The following PLXNA4 variants were observed in gnomAD, a reference collection of about 807,000 sequenced individuals.
PLXNA4 encodes plexin-A4.
PLXNA4 carries 44 observed loss-of-function variants against 191.8 expected under a neutral mutation model. The observed-to-expected ratio is 0.23, with a 90% CI of 0.18 to 0.29. PLXNA4 has a LOEUF of 0.29. PLXNA4 is among the 10% of genes least tolerant of loss of function. The pLI, the probability that PLXNA4 is intolerant of heterozygous loss-of-function variation, is 1.00. For synonymous variants in PLXNA4, 1,082 were observed against 1,009.5 expected (o/e 1.07, Z -1.36); for missense variants, 1,800 against 2,488.8 (o/e 0.72, Z 5.89).
Position 132,165,856 on chromosome 7 carries a change from C to T in PLXNA4, c.4287-656G>A, listed in dbSNP as rs138702907. ...GCCTCAGCTAAAGGCTCCCAGCATTCGCCGCAGCATAAAGCCATATACCCA... is the reference window on the plus strand; with the variant it reads ...GCCTCAGCTAAAGGCTCCCAGCATTTGCCGCAGCATAAAGCCATATACCCA... On this transcript the variant is annotated intron_variant, in intron 22 of 31. Coordinates refer to ENST00000321063, the MANE Select transcript of PLXNA4 (RefSeq NM_020911.2). Among the ~76,000 whole-genome samples the T allele has an allele frequency of 3.4e-3, 514 of 152,238 alleles. 1 individual carries two copies. The highest frequency in any genetic ancestry group is 5.7e-3 in the Non-Finnish European group (388 of 68,014).
chr7:132,437,319 A>G (rs1181304200), intron 3 of PLXNA4, among the ~76,000 whole-genome samples: 1 of 152,148 alleles, frequency 6.6e-6, no homozygotes, highest in Non-Finnish European at 1.5e-5. Flanking sequence ...TCGTGGTCCT[A>G]AGTGCAACCC....
intron 2 of PLXNA4, among the ~76,000 whole-genome samples, chr7:132,630,600 C>T (rs1705214995): frequency 1.3e-5 from 2 of 152,134 alleles, no homozygotes; most frequent in Admixed American, 6.5e-5. Context: ...CAAGTTCCAC[C>T]GCCCAGGTTC....
At chr7:132,577,563 C>T (rs930256112), upstream of PLXNA4, among the ~76,000 whole-genome samples, 23 of 152,140 alleles carry the variant, frequency 1.5e-4, no homozygotes, top group African/African-American at 5.1e-4. Context: ...CATGCTCCCA[C>T]CCGCCGCCGC....
intron 3 of PLXNA4, among the ~76,000 whole-genome samples, chr7:132,331,763 T>A (rs916920679): frequency 6.6e-6 from 1 of 152,118 alleles, no homozygotes; most frequent in Non-Finnish European, 1.5e-5. Context: ...CCAAGCACTA[T>A]GGTTGAAAGA....
intron 2 of PLXNA4, among the ~76,000 whole-genome samples, chr7:132,603,811 C>A (rs573096686): frequency 6.6e-6 from 1 of 152,154 alleles, no homozygotes; most frequent in African/African-American, 2.4e-5. Context: ...ATTTTAAAAA[C>A]TGTATCACAC....
chr7:132,478,977 A>G (rs1019582466), intron 3 of PLXNA4, among the ~76,000 whole-genome samples: 2 of 152,130 alleles, frequency 1.3e-5, no homozygotes, highest in Non-Finnish European at 2.9e-5. Context: ...CAGCTCAAAA[A>G]AGTCTCATGG....
chr7:132,355,940 T>C (rs1388777178), intron 3 of PLXNA4, among the ~76,000 whole-genome samples: 1 of 152,014 alleles, frequency 6.6e-6, no homozygotes, highest in African/African-American at 2.4e-5. Flanking sequence ...GGCTGAGAAA[T>C]GACCCCAACA....
At chr7:132,431,166 C>T (rs1026846972) in intron 3 of PLXNA4, among the ~76,000 whole-genome samples, 6 of 152,200 alleles carry the variant, frequency 3.9e-5, no homozygotes, top group Admixed American at 1.3e-4. Context: ...AGTGCTTACC[C>T]TCGTGCCCTG....
chr7:132,613,709 C>T (rs975407331), intron 2 of PLXNA4, among the ~76,000 whole-genome samples: 11 of 152,230 alleles, frequency 7.2e-5, no homozygotes, highest in South Asian at 2.1e-4. Context: ...GTCAGTTATA[C>T]GCATTTGTTG....
intron 3 of PLXNA4, among the ~76,000 whole-genome samples, chr7:132,474,679 T>C (rs1797061544): frequency 1.3e-5 from 2 of 152,104 alleles, no homozygotes; most frequent in Non-Finnish European, 2.9e-5. Context: ...CTATCAGAAC[T>C]GGTTAGTGCA....
chr7:132,226,335 G>A, intron 7 of PLXNA4, 75 bp from the exon 8 acceptor site: 4 of 1,293,172 alleles, frequency 3.1e-6, no homozygotes, highest in Non-Finnish European at 4.4e-6. Flanking sequence ...AGTGACACCT[G>A]CTGGAAAAGG....
At chr7:132,368,360 G>C (rs1267532491) in intron 3 of PLXNA4, among the ~76,000 whole-genome samples, 1 of 152,152 alleles carries the variant, frequency 6.6e-6, no homozygotes, top group African/African-American at 2.4e-5. Context: ...AGAGCTGGAT[G>C]GGGAGGGACG....
intron 20 of PLXNA4, among the ~76,000 whole-genome samples, chr7:132,176,781 T>G (rs186383884): frequency 0.067 from 10,235 of 152,054 alleles, 657 homozygotes; most frequent in East Asian, 0.23. Context: ...TGAGTGTGTG[T>G]GTATGCTTGT....
chr7:132,396,318 CAT>C (rs1395407460), intron 3 of PLXNA4, among the ~76,000 whole-genome samples: 2 of 152,148 alleles, frequency 1.3e-5, no homozygotes, highest in Non-Finnish European at 2.9e-5. Flanking sequence ...ATAGCCAACA[CAT>C]ATGTAGCACT....
intron 8 of PLXNA4, 33 bp from the exon 9 acceptor site, chr7:132,223,674 G>T: frequency 6.4e-7 from 1 of 1,565,008 alleles, no homozygotes; most frequent in Non-Finnish European, 8.8e-7. Flanking sequence ...ACAAATCTAA[G>T]AACCTGGATG....
rs1339578263 is a variant in PLXNA4, at chr7:132,187,473, G to A, written c.2991C>T (p.His997=). The part of the protein sequence containing the change: ...VMFGKQPCLF[H]RRSPSYIVCN... ...CAGAAAGGGGCCCTCTGAGTTACCT[G>A]TGGAAGAGACAGGGCTGCTTTCCAA... Residue 997 remains histidine, a splice_region_variant and synonymous_variant, in exon 15 of 32, where the codon CAC becomes CAT. Coordinates refer to ENST00000321063, the MANE Select transcript of PLXNA4 (RefSeq NM_020911.2). 1 of 1,613,236 alleles carries A rather than the reference G, an allele frequency of 6.2e-7. No individual in the cohort carries two copies. Among genetic ancestry groups the A allele is most frequent in the Non-Finnish European group, 8.5e-7 (1 of 1,179,500 alleles).
rs1057400085 is a variant in PLXNA4, at chr7:132,194,087, C to T, written c.2831G>A (p.Arg944Gln). ...CATGAAGTAATAGAGCTGTGAGGAC[C>T]GGGCCATGAATTCAGGCCGACACAC... ...VAVCRPEFMARSSQLYYFMTL... is the reference protein window; with the variant it reads ...VAVCRPEFMAQSSQLYYFMTL... Residue 944 changes from arginine (R) to glutamine (Q), a missense_variant, in exon 14 of 32, where the codon CGG becomes CAG. Around this residue, in one of 6 missense-constraint regions of PLXNA4, gnomAD observed 1,397 missense variants for 1,880.4 expected, o/e 0.74. Transcript: ENST00000321063. 16 of 1,613,894 alleles carry T rather than the reference C, an allele frequency of 9.9e-6. No homozygotes were observed. Among genetic ancestry groups the T allele is most frequent in the Middle Eastern group, 1.6e-4 (1 of 6,078 alleles).
chr7:132,300,569 C>A (rs764609061), intron 3 of PLXNA4, among the ~76,000 whole-genome samples: 4 of 152,236 alleles, frequency 2.6e-5, no homozygotes, highest in Non-Finnish European at 1.5e-5. Context: ...ATTCCCAGAG[C>A]CTTCCTTCTT....
chr7:132,534,200 G>A (rs1314160004), intron 1 of PLXNA4, among the ~76,000 whole-genome samples: 1 of 152,148 alleles, frequency 6.6e-6, no homozygotes, highest in Non-Finnish European at 1.5e-5. Context: ...TCAACAAGGA[G>A]AGGATACAAG....
Sources: gnomAD v4.1 joint callset for allele counts (sites outside exome capture counted in the v4.1 genomes callset) on GRCh38, gnomAD v4.1.1 for gene constraint, gnomAD v4.1.1 regional missense constraint, MANE v1.5 for transcripts, NCBI Gene and HGNC (gene_info 2026-07-23, HGNC 2026-07-21) for gene names.